Variants in STRBP observed in about 807,000 individuals in gnomAD.
STRBP encodes spermatid perinuclear RNA-binding protein.
A neutral mutation model predicts 80.1 loss-of-function variants in STRBP; 13 were observed. That is an observed-to-expected ratio of 0.16 (90% CI 0.11 to 0.26). The LOEUF (loss-of-function observed/expected upper bound fraction) is 0.26, where lower values mean the gene tolerates loss of function less well. STRBP is among the 10% of genes least tolerant of loss of function. The pLI is 1.00. For missense variants in STRBP, 485 were observed against 815.2 expected (o/e 0.59, Z 4.93); for synonymous variants, 284 against 291.2 (o/e 0.98, Z 0.25).
intron 6 of STRBP, among the ~76,000 whole-genome samples, chr9:123,163,858 G>A (rs1049872096): frequency 1.3e-5 from 2 of 152,084 alleles, no homozygotes; most frequent in East Asian, 1.9e-4. Context: ...AAATTTTGAG[G>A]AGGATCAAAA....
intron 2 of STRBP, among the ~76,000 whole-genome samples, chr9:123,214,768 TATGA>T (rs1327626620): frequency 1.5e-4 from 23 of 152,326 alleles, no homozygotes; most frequent in Admixed American, 1.3e-3. Context: ...TTCATACAGA[TATGA>T]ATGAACAAAT....
At chr9:123,151,321 A>G (rs77375293) in intron 11 of STRBP, among the ~76,000 whole-genome samples, 2,542 of 152,222 alleles carry the variant, frequency 0.017, 81 homozygotes, top group African/African-American at 0.058. Flanking sequence ...ATAACAAACA[A>G]CATCTGAAAA....
chr9:123,117,182 G>A (rs1321050521), downstream of STRBP, among the ~76,000 whole-genome samples: 2 of 152,136 alleles, frequency 1.3e-5, no homozygotes, highest in Non-Finnish European at 2.9e-5. Flanking sequence ...CATTCTCCCT[G>A]ACACAGTCAT....
At chr9:123,193,480 T>A (rs1453550283) in intron 2 of STRBP, among the ~76,000 whole-genome samples, 1 of 152,120 alleles carries the variant, frequency 6.6e-6, no homozygotes, top group East Asian at 1.9e-4. Flanking sequence ...CCAAACCCTA[T>A]CCCATTCCTT....
At chr9:123,196,420 A>G (rs1191767374) in intron 2 of STRBP, among the ~76,000 whole-genome samples, 1 of 152,198 alleles carries the variant, frequency 6.6e-6, no homozygotes, top group Non-Finnish European at 1.5e-5. Flanking sequence ...GAAACAATCA[A>G]CAAAGTAAAG....
At chr9:123,139,112 C>T (rs1007416492) in intron 14 of STRBP, among the ~76,000 whole-genome samples, 7 of 152,190 alleles carry the variant, frequency 4.6e-5, no homozygotes, top group African/African-American at 1.7e-4. Flanking sequence ...CCAATGTACC[C>T]CGCAGCTTAG....
chr9:123,112,991 G>A (rs1393548839), intron 3 of STRBP: 4 of 167,204 alleles, frequency 2.4e-5, no homozygotes, highest in Admixed American at 2.0e-4. Flanking sequence ...GAAAGAAAAC[G>A]CCTGAAGAAG....
At chr9:123,184,451 T>C (rs767961390) in intron 2 of STRBP, 153 bp from the exon 3 acceptor site, 2 of 227,438 alleles carry the variant, frequency 8.8e-6, no homozygotes, top group Non-Finnish European at 1.7e-5. Context: ...ACACATCTTT[T>C]GAAGGCCTGG....
At chr9:123,114,209 T>C (rs377555604) in intron 3 of STRBP, 233 of 167,170 alleles carry the variant, frequency 1.4e-3, no homozygotes, top group East Asian at 0.01. Flanking sequence ...CAGAAACCCA[T>C]GCTGGCCTTC....
rs535899710 is a variant in STRBP at position 123,237,816 on chromosome 9, G to A, written c.-301-850C>T. ...ACTATAAAATCCCAAACAGGCACAA[G>A]CTTTTAATGCCTTCACACAAGGTAA... On this transcript the variant is annotated intron_variant, in intron 1 of 18. Transcript: ENST00000348403. Among the ~76,000 whole-genome samples the A allele has an allele frequency of 4.6e-5, 7 of 152,284 alleles. No individual in the cohort carries two copies. The South Asian group carries it at 1.2e-3, about 27-fold the overall frequency.
At chr9:123,246,774 C>A (rs1281114995) in intron 1 of STRBP, among the ~76,000 whole-genome samples, 1 of 152,066 alleles carries the variant, frequency 6.6e-6, no homozygotes, top group Non-Finnish European at 1.5e-5. Context: ...GGCTGACTGC[C>A]AATACAAACA....
At chr9:123,177,988 A>C (rs1352853582) in intron 4 of STRBP, among the ~76,000 whole-genome samples, 1 of 152,208 alleles carries the variant, frequency 6.6e-6, no homozygotes, top group Non-Finnish European at 1.5e-5. Flanking sequence ...TATATGAGAA[A>C]AATTACACAT....
At chr9:123,150,521 T>C (rs904607071) in intron 11 of STRBP, among the ~76,000 whole-genome samples, 1 of 152,096 alleles carries the variant, frequency 6.6e-6, no homozygotes, top group Admixed American at 6.6e-5. Flanking sequence ...GGGCTATGAC[T>C]GCACCTGCAA....
chr9:123,229,928 T>C (rs1407224778), intron 2 of STRBP, among the ~76,000 whole-genome samples: 4 of 151,914 alleles, frequency 2.6e-5, no homozygotes, highest in Admixed American at 1.3e-4. Context: ...CAGCATAGGG[T>C]GTATGAAGGT....
chr9:123,166,863 G>A (rs78332627), intron 6 of STRBP, among the ~76,000 whole-genome samples: 2 of 152,308 alleles, frequency 1.3e-5, no homozygotes, highest in East Asian at 1.9e-4. Flanking sequence ...AGCAGGAAAC[G>A]TAGTAATGGG....
chr9:123,266,624 T>A (rs552569170), intron 1 of STRBP, among the ~76,000 whole-genome samples: 5 of 152,008 alleles, frequency 3.3e-5, no homozygotes, highest in African/African-American at 1.2e-4. Flanking sequence ...GGATCTTCCA[T>A]ACTCTCTTAA....
Position 123,115,238 on chromosome 9 carries a change from C to T in STRBP, c.*84+691G>A. ...TGCATGCCAGGCCCGCCTCTGACTCCCCTCCTGGGGATCCCGTCTGGCTCA... is the reference window on the plus strand; with the variant it reads ...TGCATGCCAGGCCCGCCTCTGACTCTCCTCCTGGGGATCCCGTCTGGCTCA... On this transcript the variant is annotated intron_variant and NMD_transcript_variant, in intron 3 of 3. Transcript: ENST00000471564. The surrounding 1 kb of genome is among the most constrained non-coding windows in gnomAD (Gnocchi z 5.0). 2.1e-6 allele frequency: 1 copy of T among 471,218 alleles called. No individual in the cohort carries two copies. The highest frequency in any genetic ancestry group is 1.5e-5 in the South Asian group (1 of 64,570). The allele number at this position is 471,218 out of a possible 1,614,324, so 29.2% of individuals were successfully genotyped here.
intron 3 of STRBP, among the ~76,000 whole-genome samples, chr9:123,183,767 T>A (rs1246454859): frequency 6.6e-6 from 1 of 152,208 alleles, no homozygotes; most frequent in African/African-American, 2.4e-5. Flanking sequence ...ATATCACTAA[T>A]TAAAGGACTG....
intron 3 of STRBP, chr9:123,112,134 ACT>A (rs2035577509): frequency 6.0e-6 from 1 of 166,758 alleles, no homozygotes; most frequent in Non-Finnish European, 1.5e-5. Flanking sequence ...TCGCCTCCTG[ACT>A]CAGTCCCGGA....
Sources: gnomAD v4.1 joint callset for allele counts (sites outside exome capture counted in the v4.1 genomes callset) on GRCh38, gnomAD v4.1.1 for gene constraint, Gnocchi (gnomAD v3.1) non-coding constraint, MANE v1.5 for transcripts, NCBI Gene and HGNC (gene_info 2026-07-23, HGNC 2026-07-21) for gene names.